Variants in NRG1 observed in about 807,000 individuals in gnomAD.
NRG1 encodes the protein pro-neuregulin-1, membrane-bound isoform.
NRG1 carries 18 observed loss-of-function variants against 63.8 expected under a neutral mutation model. The observed-to-expected ratio is 0.28, with a 90% CI of 0.19 to 0.42. NRG1 has a LOEUF of 0.42. Among genes scored for constraint, NRG1 ranks in the 10% least tolerant of loss-of-function variants. The pLI, the probability that NRG1 is intolerant of heterozygous loss-of-function variation, is 1.00. For missense variants in NRG1, 762 were observed against 814.7 expected, an observed-to-expected ratio of 0.94 and a Z score of 0.79; for synonymous variants, 302 against 301.3, an observed-to-expected ratio of 1.00 and a Z score of -0.02.
At chr8:32,582,907 T>C (rs2129532448) in intron 1 of NRG1, among the ~76,000 whole-genome samples, 1 of 152,360 alleles carries the variant, frequency 6.6e-6, no homozygotes, top group East Asian at 1.9e-4. Context: ...TAAGATTTCA[T>C]GACTTTAAAG....
intron 1 of NRG1, among the ~76,000 whole-genome samples, chr8:31,813,694 A>C (rs1344007706): frequency 6.6e-6 from 1 of 151,050 alleles, no homozygotes; most frequent in Non-Finnish European, 1.5e-5. Flanking sequence ...CGCCTGGCTA[A>C]ATTTTGTATT....
intron 1 of NRG1, among the ~76,000 whole-genome samples, chr8:32,455,017 A>G (rs549630742): frequency 6.6e-6 from 1 of 152,318 alleles, no homozygotes; most frequent in Non-Finnish European, 1.5e-5. Flanking sequence ...TTTGTAGCCT[A>G]GGAACGATAG....
intron 1 of NRG1, among the ~76,000 whole-genome samples, chr8:31,833,494 A>T (rs1503488): frequency 3.9e-5 from 6 of 152,036 alleles, no homozygotes; most frequent in African/African-American, 1.2e-4. Flanking sequence ...AGATAAGCCC[A>T]TAGAACTGGG....
chr8:31,905,670 T>C (rs1424978495), intron 1 of NRG1, among the ~76,000 whole-genome samples: 1 of 152,210 alleles, frequency 6.6e-6, no homozygotes, highest in African/African-American at 2.4e-5. Flanking sequence ...TTATTTTGTG[T>C]AAATGAGCAC....
intron 1 of NRG1, among the ~76,000 whole-genome samples, chr8:32,252,480 G>A (rs924089550): frequency 6.6e-6 from 1 of 152,062 alleles, no homozygotes; most frequent in Non-Finnish European, 1.5e-5. Context: ...GTTTTTGTCA[G>A]GTTTGTAAAA....
intron 1 of NRG1, among the ~76,000 whole-genome samples, chr8:32,501,958 C>T (rs527757699): frequency 1.3e-5 from 2 of 152,156 alleles, no homozygotes; most frequent in African/African-American, 4.8e-5. Flanking sequence ...GAGACCCTGT[C>T]TCTCTAAGAA....
chr8:32,178,826 T>G (rs1193719443), intron 1 of NRG1, among the ~76,000 whole-genome samples: 4 of 151,730 alleles, frequency 2.6e-5, no homozygotes, highest in Non-Finnish European at 4.4e-5. Flanking sequence ...AGTTTGAAAG[T>G]GAAGAAGAGG....
chr8:31,782,977 A>G (rs1260920219), intron 1 of NRG1, among the ~76,000 whole-genome samples: 1 of 152,186 alleles, frequency 6.6e-6, no homozygotes, highest in Non-Finnish European at 1.5e-5. Flanking sequence ...CTGAAGTGCT[A>G]GTTTCTAGAA....
intron 1 of NRG1, among the ~76,000 whole-genome samples, chr8:32,517,258 T>C (rs2129504284): frequency 6.6e-6 from 1 of 152,264 alleles, no homozygotes; most frequent in Non-Finnish European, 1.5e-5. Flanking sequence ...CTGGAGTACT[T>C]ACCCACCTTC....
intron 1 of NRG1, among the ~76,000 whole-genome samples, chr8:31,705,098 C>T (rs1016166948): frequency 2.4e-4 from 37 of 152,032 alleles, no homozygotes; most frequent in African/African-American, 8.7e-4. Context: ...TGCAGTGGCG[C>T]GATCTCGGCT....
At chr8:31,770,108 G>A (rs1380026387) in intron 1 of NRG1, among the ~76,000 whole-genome samples, 3 of 152,140 alleles carry the variant, frequency 2.0e-5, no homozygotes, top group Admixed American at 2.0e-4. Flanking sequence ...TGAACACAGG[G>A]CAGCTATTGA....
chr8:31,703,084 G>A (rs1266612074), intron 1 of NRG1, among the ~76,000 whole-genome samples: 1 of 147,216 alleles, frequency 6.8e-6, no homozygotes, highest in East Asian at 2.0e-4. Context: ...ACAACATTTA[G>A]GTGCTTATCT....
chr8:32,496,144 C>T (rs1346267705), intron 1 of NRG1, among the ~76,000 whole-genome samples: 1 of 152,186 alleles, frequency 6.6e-6, no homozygotes, highest in African/African-American at 2.4e-5. Flanking sequence ...CAAAACCCCC[C>T]AGACACAATG....
intron 1 of NRG1, among the ~76,000 whole-genome samples, chr8:32,359,783 T>C (rs997330474): frequency 6.6e-6 from 1 of 152,170 alleles, no homozygotes; most frequent in African/African-American, 2.4e-5. Flanking sequence ...AGTAAAGTTA[T>C]TGTAAGGTAT....
rs543193919 is a variant in NRG1 at position 32,586,148 on chromosome 8, G to T, written c.101-9680G>T. ...CTATTATTATTCAAAGGTGTTTATT[G>T]TTGAAAGTACTATATATATATATAT... is the stretch of plus-strand genomic sequence containing the variant. On this transcript the variant is annotated intron_variant, in intron 1 of 11. Coordinates refer to ENST00000356819, the Ensembl canonical transcript of NRG1. Among the ~76,000 whole-genome samples, 41 of 90,550 alleles carry T rather than the reference G, an allele frequency of 4.5e-4. No homozygotes were observed. The East Asian group carries it at 0.012, about 26-fold the overall frequency. 59.4% of individuals were successfully genotyped at this position (90,550 alleles called of 152,430 possible).
At chr8:32,447,181 G>A (rs936844943) in intron 1 of NRG1, among the ~76,000 whole-genome samples, 42 of 151,270 alleles carry the variant, frequency 2.8e-4, no homozygotes, top group African/African-American at 9.3e-4. Flanking sequence ...CACCACACCC[G>A]GCTAATTTTT....
chr8:31,889,886 A>G (rs1013156817), intron 1 of NRG1, among the ~76,000 whole-genome samples: 12 of 152,202 alleles, frequency 7.9e-5, no homozygotes, highest in African/African-American at 2.9e-4. Flanking sequence ...TGAGCCAGGA[A>G]AGTGGATCAA....
At chr8:31,925,295 G>A (rs1454999973) in intron 1 of NRG1, among the ~76,000 whole-genome samples, 1 of 151,138 alleles carries the variant, frequency 6.6e-6, no homozygotes, top group African/African-American at 2.4e-5. Flanking sequence ...CATTAAGAAT[G>A]TTTGTATATT....
intron 1 of NRG1, among the ~76,000 whole-genome samples, chr8:32,534,097 C>T (rs746848524): frequency 1.3e-5 from 2 of 152,034 alleles, no homozygotes; most frequent in Non-Finnish European, 2.9e-5. Flanking sequence ...CAGCCACATA[C>T]TTCTTACCCA....
Sources: gnomAD v4.1 joint callset for allele counts (sites outside exome capture counted in the v4.1 genomes callset) on GRCh38, gnomAD v4.1.1 for gene constraint, MANE v1.5 for transcripts, NCBI Gene and HGNC (gene_info 2026-07-23, HGNC 2026-07-21) for gene names.